Variants in RYR2 observed in about 807,000 individuals in gnomAD.
The protein encoded by RYR2 is ryanodine receptor 2, also known as cardiac muscle ryanodine receptor-calcium release channel.
RYR2 carries 227 observed loss-of-function variants against 601.1 expected under a neutral mutation model. The ratio of observed to expected loss-of-function variants is 0.38; its 90% CI spans 0.34 to 0.42. The LOEUF is 0.42. Ranked by LOEUF, RYR2 falls within the 10% of genes least tolerant of loss-of-function variation. The probability of loss-of-function intolerance (pLI) is 1.00; values close to 1 mark genes in which losing one functional copy is unlikely to be tolerated. For missense variants in RYR2, 4,646 were observed against 6,156.5 expected (o/e 0.75, Z 8.21); for synonymous variants, 2,223 against 2,175.1 (o/e 1.02, Z -0.61).
chr1:237,276,301 T>C (rs926579622), intron 2 of RYR2, among the ~76,000 whole-genome samples: 7 of 152,098 alleles, frequency 4.6e-5, no homozygotes, highest in Admixed American at 6.6e-5. Context: ...GGTTTTGCCA[T>C]GTTGGCCAGG....
intron 27 of RYR2, among the ~76,000 whole-genome samples, chr1:237,565,163 CTT>C (rs1221899795): frequency 0.056 from 4,672 of 82,836 alleles, 157 homozygotes; most frequent in Non-Finnish European, 0.067. Context: ...CTTTCTCTTT[CTT>C]TCTTTCTTTC....
At chr1:237,097,433 G>A (rs1445601033) in intron 1 of RYR2, among the ~76,000 whole-genome samples, 1 of 152,136 alleles carries the variant, frequency 6.6e-6, no homozygotes, top group Non-Finnish European at 1.5e-5. Context: ...TTCTTTTATT[G>A]GGTGACGGTT....
chr1:237,429,215 T>A (rs1706528884), intron 12 of RYR2, among the ~76,000 whole-genome samples: 1 of 152,146 alleles, frequency 6.6e-6, no homozygotes, highest in Non-Finnish European at 1.5e-5. Context: ...GAGCTGAGCA[T>A]TCTCTCTAGT....
At chr1:237,245,087 C>T (rs1294303063) in intron 1 of RYR2, among the ~76,000 whole-genome samples, 1 of 152,010 alleles carries the variant, frequency 6.6e-6, no homozygotes, top group Non-Finnish European at 1.5e-5. Context: ...TGTGGTGGTG[C>T]ATGCCTGTAG....
At chr1:237,066,973 G>A (rs187531858) in intron 1 of RYR2, among the ~76,000 whole-genome samples, 120 of 152,158 alleles carry the variant, frequency 7.9e-4, no homozygotes, top group Admixed American at 2.3e-3. Context: ...TTTTCATGTC[G>A]TTTGCCTATC....
intron 79 of RYR2, among the ~76,000 whole-genome samples, chr1:237,741,582 G>A (rs887835605): frequency 6.6e-6 from 1 of 152,004 alleles, no homozygotes; most frequent in Non-Finnish European, 1.5e-5. Context: ...TTAAAAGCAT[G>A]TATTTTTCAG....
chr1:237,093,130 T>C (rs572674789), intron 1 of RYR2, among the ~76,000 whole-genome samples: 16 of 152,172 alleles, frequency 1.1e-4, no homozygotes, highest in Non-Finnish European at 2.1e-4. Flanking sequence ...TTACATTTTA[T>C]CTAATTTTAA....
chr1:237,482,728 T>G (rs986016448), intron 17 of RYR2, among the ~76,000 whole-genome samples: 1 of 152,214 alleles, frequency 6.6e-6, no homozygotes, highest in African/African-American at 2.4e-5. Flanking sequence ...GCAGTGGGAT[T>G]GCTGGATCAC....
chr1:237,596,474 A>G (rs1018446737), intron 34 of RYR2, among the ~76,000 whole-genome samples: 14 of 152,184 alleles, frequency 9.2e-5, no homozygotes, highest in Non-Finnish European at 5.9e-5. Context: ...GAACTTGAAG[A>G]CAGGTCTTTT....
At chr1:237,748,607 G>C (rs1405192633) in intron 80 of RYR2, among the ~76,000 whole-genome samples, 1 of 152,212 alleles carries the variant, frequency 6.6e-6, no homozygotes, top group Non-Finnish European at 1.5e-5. Context: ...AAGGCAAGTA[G>C]CCAAGGCTTA....
At chr1:237,576,186 T>C (rs1673200242) in intron 29 of RYR2, among the ~76,000 whole-genome samples, 1 of 152,196 alleles carries the variant, frequency 6.6e-6, no homozygotes, top group South Asian at 2.1e-4. Flanking sequence ...CCAAAAGTGA[T>C]CTATAGCTTC....
At chr1:237,640,404 G>C (rs1047537387) in intron 46 of RYR2, among the ~76,000 whole-genome samples, 1 of 152,230 alleles carries the variant, frequency 6.6e-6, no homozygotes, top group African/African-American at 2.4e-5. Context: ...GCAGGAGGTT[G>C]AGTAGTTGGT....
intron 2 of RYR2, among the ~76,000 whole-genome samples, chr1:237,280,559 A>G (rs1690750260): frequency 6.6e-6 from 1 of 152,180 alleles, no homozygotes. Flanking sequence ...AGAGAAAAAT[A>G]AAGTAGATGG....
At chr1:237,071,443 C>T (rs907353179) in intron 1 of RYR2, among the ~76,000 whole-genome samples, 11 of 152,166 alleles carry the variant, frequency 7.2e-5, no homozygotes, top group South Asian at 6.2e-4. Context: ...AGGCTGGTCT[C>T]GAACTCCTGA....
At chr1:237,561,123 A>G (rs1335843545) in intron 27 of RYR2, among the ~76,000 whole-genome samples, 1 of 104,312 alleles carries the variant, frequency 9.6e-6, no homozygotes, top group African/African-American at 2.9e-5. Context: ...AAAATGAGAA[A>G]ACAGGGAGAA....
In RYR2 at chr1:237,701,967, T is replaced by C. The variant is rs747270146; in HGVS notation, c.9368-11T>C. The stretch of plus-strand genomic sequence containing the variant: ...GGTTTTTCTTTCAAGTGAGATTCTC[T>C]TTTTCCTTAGTGGAAGATGTCCAGG... On this transcript the variant is annotated splice_polypyrimidine_tract_variant and intron_variant, in intron 65 of 104. Transcript: ENST00000366574. The C allele has an allele frequency of 7.8e-6, 12 of 1,545,030 alleles. No individual in the cohort carries two copies. Among genetic ancestry groups the C allele is most frequent in the Non-Finnish European group, 9.8e-6 (11 of 1,120,624 alleles).
At chr1:237,655,133 C>T (rs760179145) in intron 52 of RYR2, among the ~76,000 whole-genome samples, 11 of 151,994 alleles carry the variant, frequency 7.2e-5, no homozygotes, top group East Asian at 1.9e-4. Context: ...TTTTTCTTAC[C>T]GAATTTCCTT....
chr1:237,372,872 G>A (rs779313752), intron 6 of RYR2, among the ~76,000 whole-genome samples: 65 of 152,172 alleles, frequency 4.3e-4, no homozygotes, highest in Non-Finnish European at 7.5e-4. Context: ...TATGTGCTAG[G>A]TACTGTTTTA....
chr1:237,521,780 G>T (rs1204876754), intron 24 of RYR2, among the ~76,000 whole-genome samples: 5 of 151,688 alleles, frequency 3.3e-5, no homozygotes, highest in Admixed American at 6.6e-5. Flanking sequence ...GCTTTTCATT[G>T]CTTTTAAGTT....
Sources: gnomAD v4.1 joint callset for allele counts (sites outside exome capture counted in the v4.1 genomes callset) on GRCh38, gnomAD v4.1.1 for gene constraint, MANE v1.5 for transcripts, NCBI Gene and HGNC (gene_info 2026-07-23, HGNC 2026-07-21) for gene names.